The following FMNL2 variants were observed in gnomAD, a reference collection of about 807,000 sequenced individuals.
The protein encoded by FMNL2 is formin like 2.
FMNL2 carries 51 observed loss-of-function variants against 130.2 expected under a neutral mutation model. The observed-to-expected ratio is 0.39, with a 90% confidence interval of 0.31 to 0.49. The LOEUF is 0.49. Among genes scored for constraint, FMNL2 ranks in the 20% least tolerant of loss-of-function variants. FMNL2 has a pLI of 0.85. For synonymous variants in FMNL2, 465 were observed against 467.1 expected, an observed-to-expected ratio of 1.00 and a Z score of 0.06; for missense variants, 977 against 1,316.2, an observed-to-expected ratio of 0.74 and a Z score of 3.99.
intron 12 of FMNL2, among the ~76,000 whole-genome samples, chr2:152,615,533 A>G (rs980300809): frequency 5.3e-5 from 8 of 152,192 alleles, no homozygotes; most frequent in African/African-American, 1.7e-4. Context: ...TCTTTGAAGA[A>G]TGTCCTCAGT....
intron 25 of FMNL2, among the ~76,000 whole-genome samples, 194 bp downstream of exon 25, chr2:152,641,108 T>C (rs777923474): frequency 2.0e-5 from 3 of 152,228 alleles, no homozygotes; most frequent in Admixed American, 6.5e-5. Flanking sequence ...ATACTCTGCA[T>C]TGGAACCCTG....
intron 5 of FMNL2, among the ~76,000 whole-genome samples, 197 bp from the exon 6 acceptor site, chr2:152,560,686 A>AT (rs1486037740): frequency 1.3e-5 from 2 of 152,116 alleles, no homozygotes; most frequent in Non-Finnish European, 2.9e-5. Flanking sequence ...CAGACCCATT[A>AT]TTTGTCATTC....
intron 1 of FMNL2, among the ~76,000 whole-genome samples, chr2:152,372,922 G>A (rs1400520246): frequency 6.6e-6 from 1 of 152,174 alleles, no homozygotes; most frequent in East Asian, 1.9e-4. Flanking sequence ...GAGGTATCTG[G>A]GAGTTGGAAG....
chr2:152,543,407 A>ATAC (rs1326240091), intron 3 of FMNL2, among the ~76,000 whole-genome samples: 2 of 152,202 alleles, frequency 1.3e-5, no homozygotes, highest in Non-Finnish European at 2.9e-5. Flanking sequence ...GTGGTAAAGC[A>ATAC]TGTAGCCTGG....
At chr2:152,556,753 C>G (rs1414777644) in intron 4 of FMNL2, among the ~76,000 whole-genome samples, 1 of 152,132 alleles carries the variant, frequency 6.6e-6, no homozygotes, top group Non-Finnish European at 1.5e-5. Flanking sequence ...CTGCACTCTA[C>G]AGAGGCTGCA....
chr2:152,511,789 G>A (rs1156779745), intron 1 of FMNL2, among the ~76,000 whole-genome samples: 1 of 152,154 alleles, frequency 6.6e-6, no homozygotes, highest in East Asian at 1.9e-4. Flanking sequence ...GGGAGAGTGA[G>A]GCCAGGGTTC....
At chr2:152,403,771 A>T (rs1685834694) in intron 1 of FMNL2, among the ~76,000 whole-genome samples, 1 of 152,198 alleles carries the variant, frequency 6.6e-6, no homozygotes, top group African/African-American at 2.4e-5. Context: ...TAACAGAATT[A>T]TAAGAAATAA....
chr2:152,629,921 G>T lies in FMNL2; in HGVS notation c.2550+16G>T. Reference sequence around the variant, plus strand: ...TTTAGATCTGGTGAGTGGACTAAAAGAAATTTGAGAGCTGTTTGAAGGACA... The same window carrying T: ...TTTAGATCTGGTGAGTGGACTAAAATAAATTTGAGAGCTGTTTGAAGGACA... On this transcript the variant is annotated intron_variant, in intron 20 of 25. Transcript: ENST00000288670. 1 of 1,590,696 alleles carries T rather than the reference G, an allele frequency of 6.3e-7. No homozygotes were observed. The highest frequency in any genetic ancestry group is 1.1e-5 in the South Asian group (1 of 87,468).
At chr2:152,363,578 C>A (rs373147755) in intron 1 of FMNL2, among the ~76,000 whole-genome samples, 1 of 151,614 alleles carries the variant, frequency 6.6e-6, no homozygotes, top group South Asian at 2.1e-4. Flanking sequence ...TTTTTCCCCC[C>A]CAAGACAGAG....
chr2:152,359,383 G>A (rs1683027982), intron 1 of FMNL2, among the ~76,000 whole-genome samples: 1 of 151,846 alleles, frequency 6.6e-6, no homozygotes, highest in Non-Finnish European at 1.5e-5. Context: ...GTCAGGATTT[G>A]AATTTGAGTC....
At chr2:152,514,210 A>C (rs567733354) in intron 1 of FMNL2, among the ~76,000 whole-genome samples, 25 of 152,320 alleles carry the variant, frequency 1.6e-4, no homozygotes, top group African/African-American at 6.0e-4. Context: ...ATGTAGGAAG[A>C]GTTAACAGAG....
intron 7 of FMNL2, among the ~76,000 whole-genome samples, chr2:152,578,455 C>G (rs1267461228): frequency 6.6e-6 from 1 of 152,150 alleles, no homozygotes; most frequent in Non-Finnish European, 1.5e-5. Flanking sequence ...TTTAGTCTTC[C>G]AGGGGAGTTT....
intron 1 of FMNL2, among the ~76,000 whole-genome samples, chr2:152,360,696 A>G (rs756094277): frequency 2.6e-5 from 4 of 152,244 alleles, no homozygotes; most frequent in Non-Finnish European, 4.4e-5. Context: ...AACAAGCTTC[A>G]TAAAACAATT....
intron 15 of FMNL2, among the ~76,000 whole-genome samples, chr2:152,623,887 C>G (rs1288308524): frequency 6.6e-6 from 1 of 151,858 alleles, no homozygotes; most frequent in Non-Finnish European, 1.5e-5. Flanking sequence ...AGATACATCC[C>G]ATTCTCTCTA....
At chr2:152,612,679 A>C (rs1698748794) in intron 11 of FMNL2, among the ~76,000 whole-genome samples, 1 of 152,118 alleles carries the variant, frequency 6.6e-6, no homozygotes, top group Admixed American at 6.6e-5. Flanking sequence ...GCAGTGGTGC[A>C]ATCTTGGCTC....
intron 9 of FMNL2, 74 bp from the exon 10 acceptor site, chr2:152,607,265 C>A: frequency 8.3e-7 from 1 of 1,198,476 alleles, no homozygotes; most frequent in South Asian, 1.3e-5. Context: ...CATTATTAAG[C>A]TGAAATTTCT....
In FMNL2 at chr2:152,617,147, G is replaced by A. The variant is rs1337969914; in HGVS notation, c.1269G>A (p.Leu423=). ...AAGCCATGTCCAAGATTGTGGAACT[G>A]GAAAAGCAACTCATGCAGAGGAACA... The part of the protein sequence containing the change: ...ENEAMSKIVE[L]EKQLMQRNKE... Residue 423 remains leucine (L), a synonymous_variant, in exon 13 of 26, where the codon CTG becomes CTA. Transcript: ENST00000288670. 1 of 1,613,980 alleles carries A rather than the reference G, an allele frequency of 6.2e-7. No individual in the cohort carries two copies. Among genetic ancestry groups the A allele is most frequent in the African/African-American group, 1.3e-5 (1 of 75,038 alleles).
intron 3 of FMNL2, among the ~76,000 whole-genome samples, chr2:152,548,403 C>T (rs1390313901): frequency 4.6e-5 from 7 of 152,160 alleles, no homozygotes; most frequent in Admixed American, 2.0e-4. Flanking sequence ...GAAAACAATA[C>T]GGCTTATGCT....
rs945404246 is a variant in FMNL2, at chr2:152,648,024, G to T, written c.*119G>T. On this transcript the variant is annotated 3_prime_UTR_variant, in exon 26 of 26. Transcript: ENST00000288670. Reference sequence around the variant, plus strand: ...ACACAAAAATATTCTTAAGGGCTCAGATTTAGCAAACACGGAAGAATTTTA... The same window carrying T: ...ACACAAAAATATTCTTAAGGGCTCATATTTAGCAAACACGGAAGAATTTTA... 3 of 889,884 alleles carry T rather than the reference G, an allele frequency of 3.4e-6. No homozygotes were observed. In the African/African-American group the frequency reaches 5.1e-5, roughly 15 times the overall value. The allele number at this position is 889,884 out of a possible 1,614,324, so 55.1% of individuals were successfully genotyped here. A position where few individuals can be genotyped will look rare whatever the true frequency, so the allele number is the denominator to read the frequency against.
Sources: allele counts gnomAD v4.1 joint callset (sites outside exome capture counted in the v4.1 genomes callset), GRCh38; gene constraint gnomAD v4.1.1; transcripts MANE v1.5; gene names NCBI Gene and HGNC (gene_info 2026-07-23, HGNC 2026-07-21).